The following PARN variants were observed in gnomAD, a reference collection of about 807,000 sequenced individuals.
The protein encoded by PARN is poly(A)-specific ribonuclease, also known as poly(A)-specific ribonuclease PARN.
In PARN, 71 loss-of-function variants were observed where a neutral mutation model predicts 102.8. The ratio of observed to expected loss-of-function variants is 0.69; its 90% confidence interval spans 0.57 to 0.84. The LOEUF is 0.84. Among genes scored for constraint, PARN ranks in the 40% least tolerant of loss-of-function variants. PARN has a pLI of 0.00. For synonymous variants in PARN, 261 were observed against 252.9 expected (o/e 1.03, Z -0.30); for missense variants, 782 against 760.9 (o/e 1.03, Z -0.33).
chr16:14,606,409 GAA>G, intron 10 of PARN, 73 bp downstream of exon 10: 2 of 611,716 alleles, frequency 3.3e-6, no homozygotes, highest in Non-Finnish European at 2.6e-6. Flanking sequence ...AAAAAAAAAA[GAA>G]AAAAAAAAGA....
intron 5 of PARN, among the ~76,000 whole-genome samples, chr16:14,625,500 G>A (rs116580464): frequency 0.042 from 6,295 of 151,490 alleles, 147 homozygotes; most frequent in African/African-American, 0.053. Flanking sequence ...TTCATCTCAA[G>A]AAAAAAAAGA....
chr16:14,530,517 T>A (rs1480123118), intron 21 of PARN, among the ~76,000 whole-genome samples: 1 of 150,648 alleles, frequency 6.6e-6, no homozygotes, highest in Non-Finnish European at 1.5e-5. Flanking sequence ...CATCTGTACG[T>A]ACAGAACCCT....
At chr16:14,585,449 G>A (rs1969793108) in intron 14 of PARN, among the ~76,000 whole-genome samples, 1 of 147,978 alleles carries the variant, frequency 6.8e-6, no homozygotes, top group Admixed American at 6.9e-5. Flanking sequence ...GAAACTGCTC[G>A]AACACCACGC....
rs140843033 is a variant in PARN, at chr16:14,497,509, A to C, written c.1481-14682T>G. 4.7e-3 allele frequency among the ~76,000 whole-genome samples: 711 copies of C among 152,262 alleles called. 4 individuals carry two copies. The highest frequency in any genetic ancestry group is 7.1e-3 in the Non-Finnish European group (483 of 68,016). On this transcript the variant is annotated intron_variant, in intron 21 of 23. Coordinates refer to ENST00000437198, the MANE Select transcript of PARN (RefSeq NM_002582.4). ...CACACACCACCTGCATCAAGACAAC[A>C]CTTTTGGACCTAGCTAACTTTGGCA...
intron 19 of PARN, 107 bp downstream of exon 19, chr16:14,555,547 C>T: frequency 1.9e-6 from 1 of 517,842 alleles, no homozygotes; most frequent in Non-Finnish European, 3.4e-6. Flanking sequence ...AATCACAGCC[C>T]AATTTTGAGT....
chr16:14,615,590 C>A (rs1158437237), intron 6 of PARN, among the ~76,000 whole-genome samples: 1 of 151,990 alleles, frequency 6.6e-6, no homozygotes, highest in Non-Finnish European at 1.5e-5. Context: ...TAAGATGCAG[C>A]ATCACTGAAA....
At chr16:14,517,572 T>C (rs937597726) in intron 21 of PARN, among the ~76,000 whole-genome samples, 1 of 152,186 alleles carries the variant, frequency 6.6e-6, no homozygotes, top group Non-Finnish European at 1.5e-5. Flanking sequence ...ATCTGAAAAA[T>C]AGAATATGCT....
At chr16:14,444,795 C>T (rs1961121259) in intron 23 of PARN, among the ~76,000 whole-genome samples, 1 of 152,102 alleles carries the variant, frequency 6.6e-6, no homozygotes, top group South Asian at 2.1e-4. Flanking sequence ...AAGGATGCTA[C>T]AGATTTAAAA....
At chr16:14,479,993 C>T (rs1254887991) in intron 22 of PARN, among the ~76,000 whole-genome samples, 1 of 150,024 alleles carries the variant, frequency 6.7e-6, no homozygotes, top group South Asian at 2.1e-4. Context: ...AGGGGATTCA[C>T]TAACAATAAA....
chr16:14,571,921 G>C (rs1235847952), intron 18 of PARN, among the ~76,000 whole-genome samples: 1 of 152,208 alleles, frequency 6.6e-6, no homozygotes, highest in Non-Finnish European at 1.5e-5. Flanking sequence ...AATCCTACTG[G>C]AGAAATCAAT....
chr16:14,580,507 G>A (rs556586153), intron 18 of PARN, among the ~76,000 whole-genome samples: 70 of 151,606 alleles, frequency 4.6e-4, no homozygotes, highest in African/African-American at 9.4e-4. Flanking sequence ...GGCTGGCCTC[G>A]AACTCCTGAC....
rs7194723 is a variant in PARN at position 14,549,409 on chromosome 16, C to T, written c.1480+2612G>A. Among the ~76,000 whole-genome samples, 1,266 of 152,228 alleles carry T rather than the reference C, an allele frequency of 8.3e-3. 22 individuals carry two copies. The highest frequency in any genetic ancestry group is 0.029 in the African/African-American group (1,187 of 41,524). On this transcript the variant is annotated intron_variant, in intron 21 of 23. Coordinates refer to ENST00000437198, the MANE Select transcript of PARN (RefSeq NM_002582.4). ...GGACTCAGGGCCAAACAAGAGGGAC[C>T]CAACACTGCCCTCAGGAAACCAATG...
intron 18 of PARN, among the ~76,000 whole-genome samples, chr16:14,580,126 C>T (rs112444738): frequency 6.6e-6 from 1 of 152,140 alleles, no homozygotes. Context: ...CGCCCGCCAC[C>T]GTGCCGGCTA....
At chr16:14,466,714 A>G (rs1310580397) in intron 22 of PARN, among the ~76,000 whole-genome samples, 1 of 152,230 alleles carries the variant, frequency 6.6e-6, no homozygotes, top group Non-Finnish European at 1.5e-5. Flanking sequence ...GTATTACTAC[A>G]TTCCACAATC....
intron 20 of PARN, among the ~76,000 whole-genome samples, chr16:14,553,752 G>T (rs1277686287): frequency 6.6e-6 from 1 of 152,150 alleles, no homozygotes; most frequent in Non-Finnish European, 1.5e-5. Flanking sequence ...CAAACCCTGT[G>T]AGTTTAATCT....
chr16:14,495,999 T>C (rs914556709), intron 21 of PARN, among the ~76,000 whole-genome samples: 1 of 152,206 alleles, frequency 6.6e-6, no homozygotes, highest in African/African-American at 2.4e-5. Context: ...ATGGAGCTGG[T>C]ACCTGATAAG....
At chr16:14,591,332 A>C (rs1411567908) in intron 13 of PARN, among the ~76,000 whole-genome samples, 1 of 152,066 alleles carries the variant, frequency 6.6e-6, no homozygotes, top group East Asian at 1.9e-4. Flanking sequence ...CGGAGGTTGC[A>C]GTGAGCCGAG....
At chr16:14,461,489 G>A (rs1038660944) in intron 22 of PARN, among the ~76,000 whole-genome samples, 8 of 152,142 alleles carry the variant, frequency 5.3e-5, no homozygotes, top group Non-Finnish European at 1.0e-4. Flanking sequence ...TATCCTTTGC[G>A]CTTTCAATGT....
At chr16:14,621,372 C>T (rs1000999295) in intron 5 of PARN, among the ~76,000 whole-genome samples, 1 of 152,200 alleles carries the variant, frequency 6.6e-6, no homozygotes. Context: ...CTATGCCTTT[C>T]CTGAAGCTGC....
Sources: allele counts gnomAD v4.1 joint callset (sites outside exome capture counted in the v4.1 genomes callset), GRCh38; gene constraint gnomAD v4.1.1; transcripts MANE v1.5; gene names NCBI Gene and HGNC (gene_info 2026-07-23, HGNC 2026-07-21).